The following APBB2 variants were observed in gnomAD, a reference collection of about 807,000 sequenced individuals.
The protein encoded by APBB2 is Fe65-like 1.
Under a neutral mutation model 82.5 loss-of-function variants are expected in APBB2, and 38 were observed. The observed-to-expected ratio is 0.46, with a 90% CI of 0.36 to 0.60. The LOEUF is 0.60. APBB2 is among the 20% of genes least tolerant of loss of function. APBB2 has a pLI of 0.00. For synonymous variants in APBB2, 341 were observed against 368.2 expected (o/e 0.93, Z 0.85); for missense variants, 772 against 972.3 (o/e 0.79, Z 2.74).
At chr4:41,025,088 G>C (rs2154435186) in intron 5 of APBB2, among the ~76,000 whole-genome samples, 1 of 152,268 alleles carries the variant, frequency 6.6e-6, no homozygotes, top group Non-Finnish European at 1.5e-5. Flanking sequence ...AATCCGCTGG[G>C]TCTGAGTGCA....
intron 2 of APBB2, among the ~76,000 whole-genome samples, chr4:41,131,729 T>C (rs1449133785): frequency 6.6e-6 from 1 of 152,138 alleles, no homozygotes; most frequent in Non-Finnish European, 1.5e-5. Context: ...AAAATAACAC[T>C]GTTTACTGAT....
chr4:41,007,917 A>T (rs1353606795), intron 6 of APBB2, among the ~76,000 whole-genome samples: 1 of 152,238 alleles, frequency 6.6e-6, no homozygotes, highest in Non-Finnish European at 1.5e-5. Context: ...GATAAACATG[A>T]TAGCAGAAAC....
chr4:40,975,093 A>G (rs1197562343), intron 6 of APBB2, among the ~76,000 whole-genome samples: 2 of 152,100 alleles, frequency 1.3e-5, no homozygotes, highest in Non-Finnish European at 2.9e-5. Context: ...CCCCACCCCA[A>G]TGCTAGGCTA....
At chr4:41,194,932 T>A in intron 1 of APBB2, among the ~76,000 whole-genome samples, 1 of 152,114 alleles carries the variant, frequency 6.6e-6, no homozygotes, top group African/African-American at 2.4e-5. Context: ...TAAGAAGACG[T>A]GTGATTTATT....
Position 41,013,975 on chromosome 4 carries a change from C to T in APBB2, c.443G>A (p.Cys148Tyr), listed in dbSNP as rs369060854. The change falls in exon 6 of 18, where the codon TGT (cysteine) becomes TAT (tyrosine). Residue 148 changes from cysteine (C) to tyrosine (Y), a missense_variant. Physicochemically the swap from Cys to Tyr is radical, Grantham distance 194. Coordinates refer to ENST00000508593, the MANE Select transcript of APBB2 (RefSeq NM_004307.2). ...KEPHPQDSSS[C>Y]EILPSQPRRT... ...CCTGGGCTGGGAGGGTAAAATCTCACAGCTCGAGGAATCCTGTGGGTGGGG... is the reference window on the plus strand; with the variant it reads ...CCTGGGCTGGGAGGGTAAAATCTCATAGCTCGAGGAATCCTGTGGGTGGGG... The T allele has an allele frequency of 3.7e-6, 6 of 1,614,182 alleles. No individual in the cohort carries two copies. The highest frequency in any genetic ancestry group is 5.1e-6 in the Non-Finnish European group (6 of 1,180,036).
chr4:40,965,500 A>G (rs1794458017), intron 6 of APBB2, among the ~76,000 whole-genome samples: 6 of 152,206 alleles, frequency 3.9e-5, no homozygotes, highest in Admixed American at 3.9e-4. Context: ...AAACGTGTCT[A>G]GTCCAAATTG....
At chr4:40,864,043 G>C (rs1304551679) in intron 12 of APBB2, among the ~76,000 whole-genome samples, 1 of 152,100 alleles carries the variant, frequency 6.6e-6, no homozygotes, top group Non-Finnish European at 1.5e-5. Context: ...TGGATCAGGA[G>C]GTCAAGAGAT....
At chr4:41,194,450 C>T in intron 1 of APBB2, among the ~76,000 whole-genome samples, 2 of 152,088 alleles carry the variant, frequency 1.3e-5, no homozygotes, top group African/African-American at 2.4e-5. Context: ...TGGGAGGCCA[C>T]GGCAGGTGGA....
At chr4:41,056,184 AAAAT>A (rs1445691537) in intron 4 of APBB2, among the ~76,000 whole-genome samples, 1 of 152,098 alleles carries the variant, frequency 6.6e-6, no homozygotes, top group African/African-American at 2.4e-5. Context: ...CCATCTCAAA[AAAAT>A]AAATAAATAA....
intron 12 of APBB2, among the ~76,000 whole-genome samples, chr4:40,885,439 G>C (rs955244449): frequency 3.9e-5 from 6 of 152,210 alleles, no homozygotes; most frequent in African/African-American, 1.4e-4. Context: ...AATTGGGGGA[G>C]GGACTGGCGT....
intron 3 of APBB2, among the ~76,000 whole-genome samples, chr4:41,099,688 T>G (rs1744705758): frequency 6.6e-6 from 1 of 152,204 alleles, no homozygotes; most frequent in African/African-American, 2.4e-5. Flanking sequence ...AGTTCTGTTC[T>G]GTCTTGTTTT....
chr4:41,054,142 A>T (rs1727016244), intron 4 of APBB2, among the ~76,000 whole-genome samples: 1 of 152,154 alleles, frequency 6.6e-6, no homozygotes, highest in Non-Finnish European at 1.5e-5. Flanking sequence ...CATGCTTGTC[A>T]CCTCATGGTG....
chr4:41,090,590 G>A (rs1370794144), intron 3 of APBB2, among the ~76,000 whole-genome samples: 1 of 152,124 alleles, frequency 6.6e-6, no homozygotes, highest in Admixed American at 6.5e-5. Context: ...CAGTCTGAAT[G>A]CTGTAAAGAT....
intron 2 of APBB2, among the ~76,000 whole-genome samples, chr4:41,126,972 G>T (rs1277675244): frequency 6.6e-6 from 1 of 151,820 alleles, no homozygotes; most frequent in African/African-American, 2.4e-5. Flanking sequence ...ATGAATTTTG[G>T]GGAGACACAA....
intron 12 of APBB2, among the ~76,000 whole-genome samples, chr4:40,852,794 C>T (rs1304058647): frequency 6.6e-6 from 1 of 152,060 alleles, no homozygotes; most frequent in East Asian, 1.9e-4. Flanking sequence ...GCATGTGCCA[C>T]CATGCCCAGG....
At position 41,014,222 on chromosome 4, in the gene APBB2, A is replaced by T. The variant is rs769760181; in HGVS notation, c.196T>A (p.Cys66Ser). ...TETKNSTPPKCRKKYALTNIQ... is the reference protein window; with the variant it reads ...TETKNSTPPKSRKKYALTNIQ... ...TTAGTTAGTGCATATTTTTTCCTGC[A>T]TTTGGGAGGTGTGCTGTTCTTGGTT... Residue 66 changes from cysteine (C) to serine (S), a missense_variant, in exon 6 of 18, where the codon TGC (cysteine) becomes AGC (serine). Cys to Ser is a moderately radical substitution (Grantham distance 112, BLOSUM62 -1). Coordinates refer to ENST00000508593, the MANE Select transcript of APBB2 (RefSeq NM_004307.2). 6.2e-7 allele frequency: 1 copy of T among 1,614,166 alleles called. No homozygotes were observed. Among genetic ancestry groups the T allele is most frequent in the Non-Finnish European group, 8.5e-7 (1 of 1,180,032 alleles).
At chr4:40,991,829 G>A (rs977453539) in intron 6 of APBB2, among the ~76,000 whole-genome samples, 2 of 152,092 alleles carry the variant, frequency 1.3e-5, no homozygotes, top group Non-Finnish European at 2.9e-5. Flanking sequence ...ACTTGAAGAT[G>A]CTACTCGTCT....
chr4:41,115,221 G>A (rs938488616), intron 2 of APBB2, among the ~76,000 whole-genome samples: 6 of 152,178 alleles, frequency 3.9e-5, no homozygotes, highest in Non-Finnish European at 7.4e-5. Context: ...AAGCAATGGG[G>A]AAAGGATTCC....
At chr4:40,911,316 G>A (rs1273465917) in intron 10 of APBB2, among the ~76,000 whole-genome samples, 1 of 152,130 alleles carries the variant, frequency 6.6e-6, no homozygotes, top group Non-Finnish European at 1.5e-5. Context: ...CGCATGTACT[G>A]GGGGATGACT....
Sources: allele counts gnomAD v4.1 joint callset (sites outside exome capture counted in the v4.1 genomes callset), GRCh38; gene constraint gnomAD v4.1.1; transcripts MANE v1.5; gene names NCBI Gene and HGNC (gene_info 2026-07-23, HGNC 2026-07-21).